The following RBFOX1 variants were observed in gnomAD, a reference collection of about 807,000 sequenced individuals.
RBFOX1 encodes the protein RNA binding protein fox-1 homolog 1.
Under a neutral mutation model 57.7 loss-of-function variants are expected in RBFOX1, and 8 were observed. The ratio of observed to expected loss-of-function variants is 0.14; its 90% CI spans 0.08 to 0.25. The LOEUF (loss-of-function observed/expected upper bound fraction) is 0.25. Among genes scored for constraint, RBFOX1 ranks in the 10% least tolerant of loss-of-function variants. RBFOX1 has a pLI of 1.00. For synonymous variants in RBFOX1, 326 were observed against 222.4 expected, an observed-to-expected ratio of 1.47 and a Z score of -4.15; for missense variants, 611 against 548.5, an observed-to-expected ratio of 1.11 and a Z score of -1.14.
intron 4 of RBFOX1, among the ~76,000 whole-genome samples, chr16:7,220,373 C>T (rs2092632123): frequency 6.6e-6 from 1 of 152,168 alleles, no homozygotes; most frequent in African/African-American, 2.4e-5. Context: ...TATAGGACAA[C>T]TACTTAATCT....
intron 3 of RBFOX1, among the ~76,000 whole-genome samples, chr16:6,858,684 T>G (rs2058350566): frequency 6.6e-6 from 1 of 152,138 alleles, no homozygotes; most frequent in Non-Finnish European, 1.5e-5. Flanking sequence ...ACAATAATTT[T>G]ATGGAATTAC....
intron 4 of RBFOX1, among the ~76,000 whole-genome samples, chr16:7,364,543 A>G (rs922239815): frequency 8.0e-4 from 120 of 149,950 alleles, no homozygotes; most frequent in African/African-American, 2.8e-3. Flanking sequence ...TATTGGGAGG[A>G]TATTGAGTAG....
chr16:6,797,071 C>T (rs755886562), intron 3 of RBFOX1, among the ~76,000 whole-genome samples: 7 of 152,078 alleles, frequency 4.6e-5, no homozygotes, highest in Non-Finnish European at 1.0e-4. Context: ...TCTAGTGAAG[C>T]AAATAAATAG....
chr16:5,892,129 G>A (rs1024369781), intron 4 of RBFOX1, among the ~76,000 whole-genome samples: 3 of 152,200 alleles, frequency 2.0e-5, no homozygotes, highest in East Asian at 3.8e-4. Flanking sequence ...GATTACACAG[G>A]ATGTTGAAAG....
intron 3 of RBFOX1, among the ~76,000 whole-genome samples, chr16:5,675,388 G>T (rs952781236): frequency 2.4e-4 from 36 of 152,162 alleles, no homozygotes; most frequent in African/African-American, 7.7e-4. Context: ...GCACATTGGT[G>T]CTTGAAAAGA....
chr16:7,647,899 A>G (rs2064072910), intron 11 of RBFOX1, among the ~76,000 whole-genome samples: 1 of 152,216 alleles, frequency 6.6e-6, no homozygotes, highest in South Asian at 2.1e-4. Context: ...GCCATACCTC[A>G]AAGTAAACAT....
In RBFOX1 at chr16:5,599,076, C is replaced by G. The variant is rs752323631; in HGVS notation, c.433C>G (p.Leu145Val). The change falls in exon 3 of 3, where the codon CTT (leucine) becomes GTT (valine). Residue 145 changes from leucine to valine, a missense_variant. Physicochemically the swap from Leu to Val is conservative, Grantham distance 32. Transcript: ENST00000585867. Reference sequence around the variant, plus strand: ...GGAATGGTTTTTACCTGAAACTGATCTTGCTGGAGAATTAACTGGGTTTGA... The same window carrying G: ...GGAATGGTTTTTACCTGAAACTGATGTTGCTGGAGAATTAACTGGGTTTGA... The G allele has an allele frequency of 1.1e-4, 109 of 975,322 alleles. 1 individual carries two copies. In the South Asian group the frequency reaches 1.3e-3, roughly 11 times the overall value. 60.4% of individuals were successfully genotyped at this position (975,322 alleles called of 1,614,324 possible).
intron 3 of RBFOX1, among the ~76,000 whole-genome samples, chr16:5,655,062 G>T (rs756195293): frequency 6.6e-6 from 1 of 152,146 alleles, no homozygotes; most frequent in East Asian, 1.9e-4. Context: ...ACACTAGGGC[G>T]CATCTGTCTC....
At chr16:6,355,557 C>G (rs1203754947) in intron 2 of RBFOX1, among the ~76,000 whole-genome samples, 1 of 152,126 alleles carries the variant, frequency 6.6e-6, no homozygotes. Context: ...GGGTTGGTTC[C>G]AAGTCTTTGC....
At chr16:7,459,412 C>G (rs1332901529) in intron 4 of RBFOX1, among the ~76,000 whole-genome samples, 2 of 152,076 alleles carry the variant, frequency 1.3e-5, no homozygotes, top group Non-Finnish European at 2.9e-5. Context: ...CCTTCTCTGG[C>G]AAATTGAAAA....
At chr16:7,112,698 G>GTGTGTGTGTGTGTGTGTGTA (rs879584690) in intron 4 of RBFOX1, among the ~76,000 whole-genome samples, 12 of 145,806 alleles carry the variant, frequency 8.2e-5, no homozygotes, top group Non-Finnish European at 1.5e-4. Context: ...GTGTCTCTCT[G>GTGTGTGTGTGTGTGTGTGTA]TCTGTCTGTC....
chr16:7,580,212 C>A (rs779585348), intron 6 of RBFOX1, among the ~76,000 whole-genome samples: 2 of 152,166 alleles, frequency 1.3e-5, no homozygotes, highest in African/African-American at 2.4e-5. Flanking sequence ...TGAAGGAAGC[C>A]TATTGATGGT....
chr16:6,505,585 T>C (rs543285745), intron 2 of RBFOX1, among the ~76,000 whole-genome samples: 1 of 152,258 alleles, frequency 6.6e-6, no homozygotes, highest in African/African-American at 2.4e-5. Flanking sequence ...TGGCTTATGT[T>C]TGGGTATAGC....
At chr16:6,983,912 A>C (rs1404581965) in intron 3 of RBFOX1, among the ~76,000 whole-genome samples, 1 of 152,106 alleles carries the variant, frequency 6.6e-6, no homozygotes, top group East Asian at 1.9e-4. Context: ...GCATGTAGTA[A>C]TGTGTCATAA....
chr16:6,999,684 T>C (rs1281322665), intron 3 of RBFOX1, among the ~76,000 whole-genome samples: 2 of 152,094 alleles, frequency 1.3e-5, no homozygotes, highest in Non-Finnish European at 1.5e-5. Context: ...ATCCAAAATA[T>C]ACTATTATTA....
rs2086898642 is a variant in RBFOX1 at position 7,197,127 on chromosome 16, C to CATCTCCA, written c.27+145034_27+145040dup. ...CTCTCCCAGTTATTCCTTCTCTACC[C>CATCTCCA]ATCTCCAATCTGTCCTTCATTCTAG... On this transcript the variant is annotated intron_variant, in intron 4 of 15. Transcript: ENST00000550418. Among the ~76,000 whole-genome samples, 5 of 152,276 alleles carry CATCTCCA rather than the reference C, an allele frequency of 3.3e-5. No individual in the cohort carries two copies. The South Asian group carries it at 1.0e-3, about 32-fold the overall frequency.
intron 4 of RBFOX1, among the ~76,000 whole-genome samples, chr16:7,203,603 T>A (rs1346612628): frequency 2.6e-5 from 4 of 152,232 alleles, no homozygotes; most frequent in African/African-American, 9.6e-5. Context: ...TGCCCAGGAT[T>A]GCAGTGAGTT....
intron 1 of RBFOX1, among the ~76,000 whole-genome samples, chr16:5,381,644 A>G (rs2066134149): frequency 6.6e-6 from 1 of 152,246 alleles, no homozygotes; most frequent in Non-Finnish European, 1.5e-5. Context: ...TGTTACAAAC[A>G]TTAAATCAAA....
At chr16:5,600,587 A>T (rs1305050899), downstream of RBFOX1, among the ~76,000 whole-genome samples, 1 of 151,776 alleles carries the variant, frequency 6.6e-6, no homozygotes, top group Non-Finnish European at 1.5e-5. Flanking sequence ...ACCAAGCTAT[A>T]CTGACCCTTC....
Sources: allele counts gnomAD v4.1 joint callset (sites outside exome capture counted in the v4.1 genomes callset), GRCh38; gene constraint gnomAD v4.1.1; transcripts MANE v1.5; gene names NCBI Gene and HGNC (gene_info 2026-07-23, HGNC 2026-07-21).